MAP2: variants seen among roughly 807,000 people sequenced by gnomAD.
The protein encoded by MAP2 is microtubule associated protein 2, also known as microtubule-associated protein 2.
In MAP2, 14 loss-of-function variants were observed where a neutral mutation model predicts 137.6. The ratio of observed to expected loss-of-function variants is 0.10; its 90% confidence interval spans 0.07 to 0.16. The LOEUF (loss-of-function observed/expected upper bound fraction) is 0.16, where lower values mean the gene tolerates loss of function less well. Among genes scored for constraint, MAP2 ranks in the 10% least tolerant of loss-of-function variants. The pLI is 1.00. For missense variants in MAP2, 2,088 were observed against 2,191.5 expected, an observed-to-expected ratio of 0.95 and a Z score of 0.94; for synonymous variants, 786 against 782.3, an observed-to-expected ratio of 1.00 and a Z score of -0.08.
chr2:209,449,355 A>G (rs1340999614), intron 1 of MAP2, among the ~76,000 whole-genome samples: 1 of 152,202 alleles, frequency 6.6e-6, no homozygotes, highest in Non-Finnish European at 1.5e-5. Flanking sequence ...TTCCAGAACT[A>G]CAAAAATACT....
At chr2:209,510,722 T>C (rs34628265) in intron 2 of MAP2, among the ~76,000 whole-genome samples, 4,722 of 152,166 alleles carry the variant, frequency 0.031, 95 homozygotes, top group South Asian at 0.069. Context: ...TCATTAAAAA[T>C]ATCAATCTAA....
intron 4 of MAP2, among the ~76,000 whole-genome samples, chr2:209,630,738 T>C (rs1359722431): frequency 2.0e-5 from 3 of 151,624 alleles, no homozygotes; most frequent in Non-Finnish European, 4.4e-5. Flanking sequence ...GAAAGACAAA[T>C]GGATAAAGGA....
intron 1 of MAP2, among the ~76,000 whole-genome samples, chr2:209,494,028 C>T (rs1415816915): frequency 6.6e-6 from 1 of 152,140 alleles, no homozygotes; most frequent in Non-Finnish European, 1.5e-5. Context: ...GACTTGGAAC[C>T]AACCAAAATG....
rs1376138149 is a variant in MAP2 at position 209,630,862 on chromosome 2, A to G, written c.-30+5733A>G. ...ATTTTATGGTTGTCAACTCATGAAAACCCTATTACTGATCAAGGGTCTTCC... is the reference window on the plus strand; with the variant it reads ...ATTTTATGGTTGTCAACTCATGAAAGCCCTATTACTGATCAAGGGTCTTCC... On this transcript the variant is annotated intron_variant, in intron 4 of 15. Transcript: ENST00000682079. 4.6e-5 allele frequency among the ~76,000 whole-genome samples: 7 copies of G among 151,452 alleles called. No homozygotes were observed. The Admixed American group carries it at 4.6e-4, about 10-fold the overall frequency.
chr2:209,691,513 G>A (rs1035320029), intron 7 of MAP2, among the ~76,000 whole-genome samples: 1 of 152,032 alleles, frequency 6.6e-6, no homozygotes, highest in Non-Finnish European at 1.5e-5. Flanking sequence ...ATAAGGTAAT[G>A]ATGATCCATA....
At chr2:209,429,048 G>C (rs916762640) in intron 1 of MAP2, among the ~76,000 whole-genome samples, 2 of 151,992 alleles carry the variant, frequency 1.3e-5, no homozygotes, top group Non-Finnish European at 2.9e-5. Context: ...CCGCCCCCCG[G>C]GTTCACGCCA....
intron 1 of MAP2, among the ~76,000 whole-genome samples, chr2:209,503,986 C>T (rs745751531): frequency 1.3e-5 from 2 of 151,846 alleles, no homozygotes; most frequent in Admixed American, 1.3e-4. Context: ...ATCCCAGCTA[C>T]TCAGGAGGCT....
At chr2:209,684,146 A>G (rs2056039739) in intron 7 of MAP2, among the ~76,000 whole-genome samples, 1 of 152,116 alleles carries the variant, frequency 6.6e-6, no homozygotes, top group Non-Finnish European at 1.5e-5. Context: ...TTTTGGCCTA[A>G]TCATAATAGT....
At chr2:209,622,673 A>G (rs894636424) in intron 3 of MAP2, among the ~76,000 whole-genome samples, 1 of 148,438 alleles carries the variant, frequency 6.7e-6, no homozygotes, top group Admixed American at 6.6e-5. Context: ...ATTTAATGCT[A>G]TTTATATGGG....
intron 2 of MAP2, among the ~76,000 whole-genome samples, chr2:209,567,236 G>T (rs573967452): frequency 6.6e-6 from 1 of 152,134 alleles, no homozygotes; most frequent in African/African-American, 2.4e-5. Flanking sequence ...TGTAAAAGGA[G>T]CCTACCAGAT....
At chr2:209,427,587 T>G (rs564684428) in intron 1 of MAP2, among the ~76,000 whole-genome samples, 74 of 152,316 alleles carry the variant, frequency 4.9e-4, no homozygotes, top group African/African-American at 1.8e-3. Context: ...AGACTTACTG[T>G]TCTCTAGCTA....
At chr2:209,700,875 A>C (rs1583917699) in intron 11 of MAP2, among the ~76,000 whole-genome samples, 2 of 152,280 alleles carry the variant, frequency 1.3e-5, no homozygotes, top group Non-Finnish European at 2.9e-5. Context: ...ACTGTGTATC[A>C]CTTTTTAAAT....
chr2:209,548,974 G>GTT (rs2068630180), intron 2 of MAP2, among the ~76,000 whole-genome samples: 1 of 152,110 alleles, frequency 6.6e-6, no homozygotes, highest in Non-Finnish European at 1.5e-5. Flanking sequence ...GTGTAAGAAT[G>GTT]AACTAGTAAA....
At chr2:209,655,594 A>G (rs2095090016) in intron 5 of MAP2, among the ~76,000 whole-genome samples, 1 of 152,238 alleles carries the variant, frequency 6.6e-6, no homozygotes, top group African/African-American at 2.4e-5. Context: ...TTGTGTAATA[A>G]AAATCATCTC....
At chr2:209,656,730 A>G (rs2095173683) in intron 5 of MAP2, among the ~76,000 whole-genome samples, 1 of 150,876 alleles carries the variant, frequency 6.6e-6, no homozygotes, top group Non-Finnish European at 1.5e-5. Flanking sequence ...TGTCGTTATA[A>G]TAAGTCTAAA....
intron 3 of MAP2, among the ~76,000 whole-genome samples, chr2:209,612,829 T>A (rs953085946): frequency 6.6e-6 from 1 of 152,196 alleles, no homozygotes; most frequent in Non-Finnish European, 1.5e-5. Context: ...AAATCTTATT[T>A]AAGAGCAGAA....
chr2:209,606,506 A>G (rs976046879), intron 3 of MAP2, among the ~76,000 whole-genome samples: 1 of 152,062 alleles, frequency 6.6e-6, no homozygotes, highest in Non-Finnish European at 1.5e-5. Context: ...AGCCTTGGCA[A>G]TAGAGTAAAC....
rs139577641 is a variant in MAP2, at chr2:209,677,609, C to T, written c.263-963C>T. Among the ~76,000 whole-genome samples, 25 of 152,136 alleles carry T rather than the reference C, an allele frequency of 1.6e-4. 1 individual carries two copies. Among genetic ancestry groups the T allele is most frequent in the African/African-American group, 4.8e-4 (20 of 41,526 alleles). ...AAAGAGTTGATATATTTCTGTTAGTCATTCACTCACGACTGTTAGAAAGTT... is the reference window on the plus strand; with the variant it reads ...AAAGAGTTGATATATTTCTGTTAGTTATTCACTCACGACTGTTAGAAAGTT... On this transcript the variant is annotated intron_variant, in intron 5 of 15. Coordinates refer to ENST00000682079, the MANE Select transcript of MAP2 (RefSeq NM_001375505.1).
chr2:209,599,101 C>T lies in MAP2; in HGVS notation c.-107+19001C>T, dbSNP rs575157321. Reference sequence around the variant, plus strand: ...TGTTCCTATTTCTCCACATCCTCTCCAGCACCTGTTGTTTCCTGACTTTTT... The same window carrying T: ...TGTTCCTATTTCTCCACATCCTCTCTAGCACCTGTTGTTTCCTGACTTTTT... On this transcript the variant is annotated intron_variant, in intron 3 of 15. Coordinates refer to ENST00000682079, the MANE Select transcript of MAP2 (RefSeq NM_001375505.1). Among the ~76,000 whole-genome samples the T allele has an allele frequency of 2.0e-5, 3 of 152,306 alleles. No individual in the cohort carries two copies. The East Asian group carries it at 5.8e-4, about 29-fold the overall frequency.
Sources: allele counts gnomAD v4.1 joint callset (sites outside exome capture counted in the v4.1 genomes callset), GRCh38; gene constraint gnomAD v4.1.1; transcripts MANE v1.5; gene names NCBI Gene and HGNC (gene_info 2026-07-23, HGNC 2026-07-21).